ABCC5: variants seen among roughly 807,000 people sequenced by gnomAD.
ABCC5 encodes ATP binding cassette subfamily C member 5.
ABCC5 carries 61 observed loss-of-function variants against 160.9 expected under a neutral mutation model. That is an observed-to-expected ratio of 0.38 (90% CI 0.31 to 0.47). ABCC5 has a LOEUF of 0.47. Ranked by LOEUF, ABCC5 falls within the 20% of genes least tolerant of loss-of-function variation. ABCC5 has a pLI of 0.99. For missense variants in ABCC5, 1,308 were observed against 1,813.3 expected, an observed-to-expected ratio of 0.72 and a Z score of 5.06; for synonymous variants, 666 against 700.6, an observed-to-expected ratio of 0.95 and a Z score of 0.78.
chr3:184,011,196 C>T (rs1011359450), intron 2 of ABCC5: 1 of 152,206 alleles, frequency 6.6e-6, no homozygotes, highest in Non-Finnish European at 1.5e-5. Flanking sequence ...AGAACCCTGG[C>T]CTCTCTGACA....
In ABCC5 at chr3:183,939,823, T is replaced by G. The variant is rs73884808; in HGVS notation, c.3695-1763A>C. Among the ~76,000 whole-genome samples the G allele has an allele frequency of 6.5e-3, 994 of 152,342 alleles. 5 individuals are homozygous for G. Among genetic ancestry groups the G allele is most frequent in the African/African-American group, 0.023 (971 of 41,574 alleles). Reference sequence around the variant, plus strand: ...AGGGTTTTAGCTGTTGAATCACTTTTCCTTGGCTGTACGCCTGGTTCTTGA... The same window carrying G: ...AGGGTTTTAGCTGTTGAATCACTTTGCCTTGGCTGTACGCCTGGTTCTTGA... On this transcript the variant is annotated intron_variant, in intron 25 of 29. Coordinates refer to ENST00000334444, the MANE Select transcript of ABCC5 (RefSeq NM_005688.4).
At position 183,971,803 on chromosome 3, in the gene ABCC5, C is replaced by T; in HGVS notation, c.1521G>A (p.Gln507=). 1 of 1,614,146 alleles carries T rather than the reference C, an allele frequency of 6.2e-7. No homozygotes were observed. Among genetic ancestry groups the T allele is most frequent in the Non-Finnish European group, 8.5e-7 (1 of 1,180,046 alleles). ...TTTTGGGGGTCAGCTTGGGCGAGTT[C>T]TGGATACTGGAGTGGGAGGAGTCCC... is the stretch of plus-strand genomic sequence containing the variant. ...LAWDSSHSSI[Q]NSPKLTPKMK... The change falls in exon 11 of 30, where the codon CAG becomes CAA. Residue 507 remains glutamine, a synonymous_variant. Transcript: ENST00000334444.
At chr3:183,930,353 C>T (rs569207079) in intron 26 of ABCC5, among the ~76,000 whole-genome samples, 25 of 152,342 alleles carry the variant, frequency 1.6e-4, no homozygotes, top group Middle Eastern at 3.4e-3. Context: ...GCCCTTTGCA[C>T]GGCGTTTTTC....
intron 17 of ABCC5, among the ~76,000 whole-genome samples, chr3:183,958,534 C>T (rs990919559): frequency 1.3e-5 from 2 of 152,160 alleles, no homozygotes; most frequent in African/African-American, 2.4e-5. Context: ...ATAAACCACA[C>T]TTGAATTCAA....
intron 24 of ABCC5, 36 bp from the exon 25 acceptor site, chr3:183,942,952 C>A: frequency 1.3e-6 from 2 of 1,565,968 alleles, no homozygotes; most frequent in Non-Finnish European, 1.7e-6. Context: ...AGACTGACCA[C>A]AGATTCTTGG....
At chr3:184,015,833 G>C (rs1205593431) in intron 1 of ABCC5, among the ~76,000 whole-genome samples, 2 of 152,196 alleles carry the variant, frequency 1.3e-5, no homozygotes, top group Non-Finnish European at 2.9e-5. Flanking sequence ...AGTGTCCCCA[G>C]TGTTGAGCTG....
intron 27 of ABCC5, among the ~76,000 whole-genome samples, chr3:183,928,324 C>A (rs1246494671): frequency 2.6e-5 from 4 of 152,050 alleles, no homozygotes; most frequent in Admixed American, 1.3e-4. Context: ...ATTGGTCAGG[C>A]TGGTCTCGAA....
intron 5 of ABCC5, chr3:183,986,031 T>C (rs897384460): frequency 6.5e-6 from 1 of 153,196 alleles, no homozygotes; most frequent in Admixed American, 6.5e-5. Flanking sequence ...ATTAAGCTAG[T>C]TTGAAAGTCG....
At chr3:183,960,473 A>C (rs993648802) in intron 16 of ABCC5, among the ~76,000 whole-genome samples, 20 of 152,198 alleles carry the variant, frequency 1.3e-4, no homozygotes, top group Admixed American at 9.2e-4. Context: ...TCCATTCTTC[A>C]TGAGGCAACA....
intron 29 of ABCC5, among the ~76,000 whole-genome samples, chr3:183,924,511 G>A (rs568456451): frequency 6.6e-6 from 1 of 152,166 alleles, no homozygotes; most frequent in African/African-American, 2.4e-5. Flanking sequence ...CTGTCACTGT[G>A]GGAGCTTCTA....
intron 25 of ABCC5, among the ~76,000 whole-genome samples, chr3:183,940,848 G>GTTATTA (rs34025610): frequency 1.1e-3 from 165 of 151,066 alleles, no homozygotes; most frequent in African/African-American, 2.9e-3. Flanking sequence ...TGTAAATCAG[G>GTTATTA]TTATTATTAT....
At chr3:183,962,532 CTTT>C (rs372339240) in intron 15 of ABCC5, among the ~76,000 whole-genome samples, 10 of 132,968 alleles carry the variant, frequency 7.5e-5, no homozygotes, top group Admixed American at 7.6e-5. Flanking sequence ...CAGTTTTTTT[CTTT>C]TTTTTTTTTT....
intron 22 of ABCC5, among the ~76,000 whole-genome samples, chr3:183,948,188 C>T (rs529140726): frequency 2.4e-4 from 37 of 152,332 alleles, no homozygotes; most frequent in East Asian, 9.6e-4. Context: ...AGTTTTGCTG[C>T]GCAGATGTGC....
intron 28 of ABCC5, 38 bp from the exon 29 acceptor site, chr3:183,925,757 T>G (rs751718028): frequency 5.0e-6 from 8 of 1,598,668 alleles, no homozygotes; most frequent in Non-Finnish European, 6.0e-6. Context: ...CTCGATTAAA[T>G]TCCTTTAGCA....
intron 2 of ABCC5, among the ~76,000 whole-genome samples, chr3:184,013,975 C>A (rs563450816): frequency 1.3e-5 from 2 of 152,266 alleles, no homozygotes; most frequent in African/African-American, 4.8e-5. Context: ...TGGGTTCAAG[C>A]GATTCTCGTG....
intron 2 of ABCC5, among the ~76,000 whole-genome samples, chr3:183,989,592 C>T (rs1049571065): frequency 1.1e-4 from 16 of 145,534 alleles, no homozygotes; most frequent in East Asian, 8.0e-4. Flanking sequence ...AAACAGTTTT[C>T]TTTTTTTTTT....
intron 2 of ABCC5, among the ~76,000 whole-genome samples, chr3:183,991,310 A>AC (rs1191614158): frequency 2.0e-5 from 3 of 151,572 alleles, no homozygotes; most frequent in African/African-American, 4.9e-5. Context: ...AAGAAGGAAA[A>AC]AAAAAACAAA....
In ABCC5 at chr3:183,961,536, A is replaced by G; in HGVS notation, c.2354T>C (p.Leu785Ser). The change falls in exon 16 of 30, where the codon TTG (leucine) becomes TCG (serine). Residue 785 changes from leucine to serine, a missense_variant. By Grantham distance (145) the Leu-to-Ser change is moderately radical. Coordinates refer to ENST00000334444, the MANE Select transcript of ABCC5 (RefSeq NM_005688.4). ...CTCAACTGGCGGTGTCTCTCCCAGC[A>G]ACAGGTTATTAAAAATGGTAGCATA... The part of the protein sequence containing the change: ...GDYATIFNNL[L>S]LGETPPVEIN... 1 of 1,614,222 alleles carries G rather than the reference A, an allele frequency of 6.2e-7. No homozygotes were observed. The highest frequency in any genetic ancestry group is 8.5e-7 in the Non-Finnish European group (1 of 1,180,040).
At chr3:183,941,306 G>A (rs567247500) in intron 25 of ABCC5, among the ~76,000 whole-genome samples, 140 of 152,316 alleles carry the variant, frequency 9.2e-4, no homozygotes, top group African/African-American at 3.0e-3. Flanking sequence ...TACCCCTGGG[G>A]ACGAATGCAG....
Sources: gnomAD v4.1 joint callset for allele counts (sites outside exome capture counted in the v4.1 genomes callset) on GRCh38, gnomAD v4.1.1 for gene constraint, MANE v1.5 for transcripts, NCBI Gene and HGNC (gene_info 2026-07-23, HGNC 2026-07-21) for gene names.